The following CCSER1 variants were observed in gnomAD, a reference collection of about 807,000 sequenced individuals.
The protein encoded by CCSER1 is coiled-coil serine rich protein 1, also known as serine-rich coiled-coil domain-containing protein 1.
A neutral mutation model predicts 82.0 loss-of-function variants in CCSER1; 41 were observed. The observed-to-expected ratio is 0.50, with a 90% CI of 0.39 to 0.65. CCSER1 has a LOEUF of 0.65. CCSER1 is among the 30% of genes least tolerant of loss of function. The pLI is 0.00. For missense variants in CCSER1, 1,119 were observed against 1,064.2 expected, an observed-to-expected ratio of 1.05 and a Z score of -0.72; for synonymous variants, 414 against 383.9, an observed-to-expected ratio of 1.08 and a Z score of -0.92.
chr4:90,872,442 T>C (rs987089836), intron 8 of CCSER1, among the ~76,000 whole-genome samples: 2 of 151,998 alleles, frequency 1.3e-5, no homozygotes, highest in Non-Finnish European at 2.9e-5. Context: ...GTTCAAAACT[T>C]AACACTGATT....
chr4:91,059,162 T>A (rs1334360067), intron 9 of CCSER1, among the ~76,000 whole-genome samples: 2 of 151,976 alleles, frequency 1.3e-5, no homozygotes, highest in Non-Finnish European at 2.9e-5. Flanking sequence ...ACTTTTATTT[T>A]GTGTCACATT....
Position 91,259,178 on chromosome 4 carries a change from G to T in CCSER1, c.2217+173184G>T, listed in dbSNP as rs527334172. Among the ~76,000 whole-genome samples, 16 of 152,300 alleles carry T rather than the reference G, an allele frequency of 1.1e-4. No homozygotes were observed. In the South Asian group the frequency reaches 2.3e-3, roughly 22 times the overall value. ...AAGATTTGAAAGCATCTTAATGGAA[G>T]TGAAATGCTCCATATGAAAGTTGCC... On this transcript the variant is annotated intron_variant, in intron 10 of 10. Coordinates refer to ENST00000509176, the MANE Select transcript of CCSER1 (RefSeq NM_001145065.2).
intron 7 of CCSER1, among the ~76,000 whole-genome samples, chr4:90,785,562 C>A (rs1347877163): frequency 6.6e-6 from 1 of 152,110 alleles, no homozygotes; most frequent in East Asian, 1.9e-4. Context: ...CTCAATGTGA[C>A]AAATTCTGAA....
At chr4:90,524,549 A>T (rs137992304) in intron 5 of CCSER1, among the ~76,000 whole-genome samples, 75 of 152,024 alleles carry the variant, frequency 4.9e-4, no homozygotes, top group African/African-American at 1.6e-3. Context: ...GCTCACTGCA[A>T]CCTCAGCCTC....
At chr4:91,337,314 G>A (rs1052487720) in intron 10 of CCSER1, among the ~76,000 whole-genome samples, 1 of 151,964 alleles carries the variant, frequency 6.6e-6, no homozygotes, top group African/African-American at 2.4e-5. Flanking sequence ...TTAGAACCAA[G>A]TATTACACAA....
intron 8 of CCSER1, among the ~76,000 whole-genome samples, chr4:90,852,776 T>C (rs2149940245): frequency 6.6e-6 from 1 of 152,296 alleles, no homozygotes; most frequent in Non-Finnish European, 1.5e-5. Flanking sequence ...TACAAGCAAA[T>C]AATTAATTGT....
intron 1 of CCSER1, among the ~76,000 whole-genome samples, chr4:90,299,414 A>G (rs1319803781): frequency 6.6e-6 from 1 of 152,196 alleles, no homozygotes; most frequent in Non-Finnish European, 1.5e-5. Context: ...AGTGTACTCA[A>G]TATAGCTAAA....
At chr4:90,481,125 A>G (rs534493438) in intron 5 of CCSER1, among the ~76,000 whole-genome samples, 31 of 152,230 alleles carry the variant, frequency 2.0e-4, no homozygotes, top group African/African-American at 7.2e-4. Context: ...TAGGTATTTT[A>G]TTCTCATTGA....
chr4:91,495,785 C>T (rs578038947), intron 10 of CCSER1, among the ~76,000 whole-genome samples: 2 of 151,542 alleles, frequency 1.3e-5, no homozygotes, highest in Admixed American at 1.3e-4. Context: ...TCTTTCCCTC[C>T]TTTTTACACA....
intron 10 of CCSER1, among the ~76,000 whole-genome samples, chr4:91,516,056 G>T (rs1760103237): frequency 6.6e-6 from 1 of 151,804 alleles, no homozygotes; most frequent in African/African-American, 2.4e-5. Flanking sequence ...TAATGGGGTT[G>T]TATGTTTTTT....
At chr4:91,325,369 A>G (rs1746484432) in intron 10 of CCSER1, 1 of 331,300 alleles carries the variant, frequency 3.0e-6, no homozygotes, top group South Asian at 2.5e-5. Context: ...GTTCATAAGT[A>G]TGCCATGTGT....
At chr4:90,490,211 A>G (rs1019791533) in intron 5 of CCSER1, among the ~76,000 whole-genome samples, 30 of 152,194 alleles carry the variant, frequency 2.0e-4, no homozygotes, top group African/African-American at 7.2e-4. Context: ...AATGATTGCC[A>G]TTCTAACTGG....
intron 6 of CCSER1, among the ~76,000 whole-genome samples, chr4:90,696,715 T>G (rs977400723): frequency 2.0e-5 from 3 of 152,166 alleles, no homozygotes; most frequent in Non-Finnish European, 4.4e-5. Flanking sequence ...TTAATAGTTT[T>G]TCCTAATTTA....
chr4:90,555,002 C>G (rs1488709541), intron 5 of CCSER1, among the ~76,000 whole-genome samples: 1 of 151,988 alleles, frequency 6.6e-6, no homozygotes, highest in Admixed American at 6.6e-5. Flanking sequence ...CTTTTATATT[C>G]CCTTCTTTAT....
intron 10 of CCSER1, among the ~76,000 whole-genome samples, chr4:91,187,573 C>T (rs749518836): frequency 6.0e-5 from 9 of 150,546 alleles, no homozygotes; most frequent in South Asian, 4.2e-4. Context: ...ATTTTTGAGA[C>T]GGAGTTTTGC....
intron 5 of CCSER1, among the ~76,000 whole-genome samples, chr4:90,536,055 C>G (rs573830400): frequency 1.8e-5 from 2 of 109,684 alleles, no homozygotes; most frequent in African/African-American, 7.6e-5. Context: ...TTTTTTGAGA[C>G]GGAGTCTTGC....
intron 6 of CCSER1, among the ~76,000 whole-genome samples, chr4:90,672,764 C>T (rs11097260): frequency 0.46 from 69,770 of 151,786 alleles, 16,416 homozygotes; most frequent in Middle Eastern, 0.59. Flanking sequence ...TTCACTTGAA[C>T]ACTTAGACGC....
intron 6 of CCSER1, among the ~76,000 whole-genome samples, chr4:90,711,837 C>T (rs930864194): frequency 2.0e-5 from 3 of 151,658 alleles, no homozygotes; most frequent in Non-Finnish European, 4.4e-5. Context: ...TGATGCTGGC[C>T]TCATAGAATG....
chr4:90,999,166 T>C (rs1171948629), intron 9 of CCSER1, among the ~76,000 whole-genome samples: 1 of 152,256 alleles, frequency 6.6e-6, no homozygotes, highest in African/African-American at 2.4e-5. Flanking sequence ...ATATCTTTGC[T>C]ATTGTGAATA....
Sources: allele counts gnomAD v4.1 joint callset (sites outside exome capture counted in the v4.1 genomes callset), GRCh38; gene constraint gnomAD v4.1.1; transcripts MANE v1.5; gene names NCBI Gene and HGNC (gene_info 2026-07-23, HGNC 2026-07-21).